Variants in LAMA1 observed in about 807,000 individuals in gnomAD.
LAMA1 encodes laminin subunit alpha-1.
In LAMA1, 219 loss-of-function variants were observed where a neutral mutation model predicts 348.7. The observed-to-expected ratio is 0.63, with a 90% CI of 0.56 to 0.70. The LOEUF is 0.70. Ranked by LOEUF, LAMA1 falls within the 30% of genes least tolerant of loss-of-function variation. The probability of loss-of-function intolerance (pLI) is 0.00; values close to 1 mark genes in which losing one functional copy is unlikely to be tolerated. For missense variants in LAMA1, 3,744 were observed against 3,888.0 expected (o/e 0.96, Z 0.99); for synonymous variants, 1,487 against 1,491.0 (o/e 1.00, Z 0.06).
chr18:6,948,042 T>C (rs1173101038), intron 60 of LAMA1, among the ~76,000 whole-genome samples: 3 of 152,186 alleles, frequency 2.0e-5, no homozygotes, highest in African/African-American at 4.8e-5. Flanking sequence ...ACAGCCTCCC[T>C]GGCGCCAGCT....
Position 6,948,548 on chromosome 18 carries a change from G to A in LAMA1, c.8565C>T (p.His2855=). ...CATCCCCAATGCAGGCAGGGATGCT[G>A]TGGGTGATCTAAGCCAAATGACATG... The part of the protein sequence containing the change: ...YQARKIGNIT[H]SIPACIGDVT... The change falls in exon 60 of 63, where the codon CAC becomes CAT. Residue 2855 remains histidine, a synonymous_variant. Transcript: ENST00000389658. The A allele has an allele frequency of 6.2e-7, 1 of 1,614,246 alleles. No individual in the cohort carries two copies. The highest frequency in any genetic ancestry group is 8.5e-7 in the Non-Finnish European group (1 of 1,180,042).
intron 14 of LAMA1, 140 bp from the exon 15 acceptor site, chr18:7,033,235 G>A: frequency 2.9e-6 from 2 of 681,868 alleles, no homozygotes; most frequent in Non-Finnish European, 5.3e-6. Context: ...GGGAGGCCAA[G>A]GTGGGTGGAT....
intron 18 of LAMA1, 152 bp from the exon 19 acceptor site, chr18:7,023,527 C>A: frequency 1.4e-6 from 1 of 723,872 alleles, no homozygotes; most frequent in South Asian, 1.5e-5. Flanking sequence ...CTCGGGCATT[C>A]CCAGATCTCC....
At chr18:7,024,267 T>C (rs2057932414) in intron 18 of LAMA1, 113 bp downstream of exon 18, 1 of 736,790 alleles carries the variant, frequency 1.4e-6, no homozygotes, top group Non-Finnish European at 2.3e-6. Flanking sequence ...TTCTATGAAA[T>C]AACAATTATG....
chr18:7,016,416 T>C, intron 21 of LAMA1, 75 bp downstream of exon 21: 5 of 1,551,090 alleles, frequency 3.2e-6, no homozygotes, highest in Non-Finnish European at 4.4e-6. Context: ...CCAAAATTAG[T>C]TGGAAGTAGA....
At chr18:7,105,849 G>T (rs1462779) in intron 1 of LAMA1, among the ~76,000 whole-genome samples, 4 of 152,116 alleles carry the variant, frequency 2.6e-5, no homozygotes. Context: ...TTCAAAGAAG[G>T]GTCTTGGCGA....
At chr18:7,107,113 GA>G (rs960441440) in intron 1 of LAMA1, among the ~76,000 whole-genome samples, 2 of 135,124 alleles carry the variant, frequency 1.5e-5, no homozygotes, top group African/African-American at 5.8e-5. Flanking sequence ...TTCTTATGGA[GA>G]AAACTCCTTT....
chr18:6,968,841 T>G (rs974663254), intron 48 of LAMA1, among the ~76,000 whole-genome samples: 1 of 152,166 alleles, frequency 6.6e-6, no homozygotes, highest in African/African-American at 2.4e-5. Flanking sequence ...CAGTCAAAAA[T>G]TTTTTAAAAA....
chr18:7,117,242 C>A lies in LAMA1; in HGVS notation c.61+418G>T, dbSNP rs549425079. On this transcript the variant is annotated intron_variant, in intron 1 of 62. Transcript: ENST00000389658. ...GGGAGAGCTCTTTCTCCATTCATCC[C>A]CCGCGCCCGGCCAACAGCCCCGCCA... is the stretch of plus-strand genomic sequence containing the variant. 2.6e-5 allele frequency among the ~76,000 whole-genome samples: 4 copies of A among 152,178 alleles called. No individual in the cohort carries two copies. In the South Asian group the frequency reaches 8.3e-4, roughly 32 times the overall value.
rs1427152083 is a variant in LAMA1 at position 7,017,261 on chromosome 18, A to G, written c.2808+17T>C. On this transcript the variant is annotated intron_variant, in intron 20 of 62. Coordinates refer to ENST00000389658, the MANE Select transcript of LAMA1 (RefSeq NM_005559.4). ...CTGTACCAAGGCTAAGGTGTCAATT[A>G]GTCACATGCATCTTACCAAGCACTG... The G allele has an allele frequency of 6.3e-7, 1 of 1,586,308 alleles. No homozygotes were observed. The highest frequency in any genetic ancestry group is 8.7e-7 in the Non-Finnish European group (1 of 1,155,976).
At chr18:7,011,856 T>C in intron 24 of LAMA1, 139 bp downstream of exon 24, 1 of 1,030,420 alleles carries the variant, frequency 9.7e-7, no homozygotes, top group Non-Finnish European at 1.4e-6. Flanking sequence ...ATTCCTGTTC[T>C]AACCCAAATT....
chr18:7,003,111 G>A (rs2057815343), intron 29 of LAMA1, among the ~76,000 whole-genome samples: 2 of 151,802 alleles, frequency 1.3e-5, no homozygotes, highest in Admixed American at 1.3e-4. Flanking sequence ...TCAAACTCCT[G>A]GCCTCAGGTG....
rs182068076 is a variant in LAMA1 at position 6,959,356 on chromosome 18, A to G, written c.7763T>C (p.Leu2588Ser). Residue 2588 changes from leucine (L) to serine (S), a missense_variant, in exon 54 of 63, where the codon TTG (leucine) becomes TCG (serine). Transcript: ENST00000389658. ...CSDGQAHSIS[L>S]VRNRRIITVQ... ...GTGCAAGTACCTCCGATTCCTGACC[A>G]AGGAGATGGAATGCGCTTGTCCATC... 184 of 1,614,100 alleles carry G rather than the reference A, an allele frequency of 1.1e-4. 1 individual carries two copies. Among genetic ancestry groups the G allele is most frequent in the African/African-American group, 1.3e-5 (1 of 75,012 alleles).
Position 7,015,774 on chromosome 18 carries a change from C to T in LAMA1, c.3074G>A (p.Cys1025Tyr). The change falls in exon 22 of 63, where the codon TGT (cysteine) becomes TAT (tyrosine). Residue 1025 changes from cysteine (C) to tyrosine (Y), a missense_variant. Around this residue, in one of 3 missense-constraint regions of LAMA1, gnomAD observed 1,529 missense variants for 1,689.4 expected, o/e 0.91. Coordinates refer to ENST00000389658, the MANE Select transcript of LAMA1 (RefSeq NM_005559.4). The stretch of plus-strand genomic sequence containing the variant: ...CCAGTGCCCATCCTCACATTCTTCA[C>T]ACTTCACACCCTGTGTGTGAGGGGG... ...VCPPHTQGVK[C>Y]EECEDGHWGY... 1.2e-6 allele frequency: 2 copies of T among 1,614,128 alleles called. No individual in the cohort carries two copies. The highest frequency in any genetic ancestry group is 1.7e-6 in the Non-Finnish European group (2 of 1,180,028).
At chr18:7,077,876 C>T (rs1287483415) in intron 3 of LAMA1, among the ~76,000 whole-genome samples, 1 of 151,554 alleles carries the variant, frequency 6.6e-6, no homozygotes, top group African/African-American at 2.4e-5. Context: ...TGCCTCTAAT[C>T]CCGGCACTTT....
intron 57 of LAMA1, chr18:6,953,970 A>G (rs907527915): frequency 1.3e-5 from 2 of 152,348 alleles, no homozygotes; most frequent in African/African-American, 4.8e-5. Context: ...GGTCAGGAAC[A>G]AAAGCAGGGG....
intron 3 of LAMA1, among the ~76,000 whole-genome samples, chr18:7,056,849 T>C (rs1034643553): frequency 4.0e-5 from 6 of 151,884 alleles, no homozygotes; most frequent in Non-Finnish European, 8.8e-5. Flanking sequence ...TACCACGTGC[T>C]TCATTAGGAT....
intron 46 of LAMA1, 23 bp from the exon 47 acceptor site, chr18:6,973,230 A>C: frequency 6.2e-7 from 1 of 1,612,956 alleles, no homozygotes; most frequent in Non-Finnish European, 8.5e-7. Flanking sequence ...AAGAATTGCA[A>C]AAGAAATTTT....
chr18:7,037,861 T>C, intron 11 of LAMA1, 110 bp from the exon 12 acceptor site: 2 of 1,120,676 alleles, frequency 1.8e-6, no homozygotes, highest in Middle Eastern at 2.3e-4. Flanking sequence ...AAAGCTTCTC[T>C]AGGGATGGCA....
Sources: allele counts gnomAD v4.1 joint callset (sites outside exome capture counted in the v4.1 genomes callset), GRCh38; gene constraint gnomAD v4.1.1; regional missense constraint gnomAD v4.1.1; transcripts MANE v1.5; gene names NCBI Gene and HGNC (gene_info 2026-07-23, HGNC 2026-07-21).